Variants in CFAP46 observed in about 807,000 individuals in gnomAD.
The protein encoded by CFAP46 is cilia and flagella associated protein 46.
CFAP46 carries 245 observed loss-of-function variants against 325.7 expected under a neutral mutation model. The ratio of observed to expected loss-of-function variants is 0.75; its 90% CI spans 0.68 to 0.84. The LOEUF (loss-of-function observed/expected upper bound fraction) is 0.84, where lower values mean the gene tolerates loss of function less well. Among genes scored for constraint, CFAP46 ranks in the 40% least tolerant of loss-of-function variants. The pLI is 0.00. For synonymous variants in CFAP46, 1,523 were observed against 1,495.9 expected, an observed-to-expected ratio of 1.02 and a Z score of -0.42; for missense variants, 3,346 against 3,543.0, an observed-to-expected ratio of 0.94 and a Z score of 1.41.
Position 132,811,003 on chromosome 10 carries a change from C to G in CFAP46, c.7530G>C (p.Leu2510=). The G allele has an allele frequency of 6.2e-7, 1 of 1,604,234 alleles. No individual in the cohort carries two copies. Among genetic ancestry groups the G allele is most frequent in the African/African-American group, 1.3e-5 (1 of 74,926 alleles). ...QECQVAVLLD[L]ARSYQSLKRH... The stretch of plus-strand genomic sequence containing the variant: ...TCTTCAAGCTCTGGTAGGACCGCGC[C>G]AGGTCCAGCAGGACTGCCACCTGGC... Residue 2510 remains leucine (L), a synonymous_variant, in exon 56 of 58, where the codon CTG becomes CTC. Coordinates refer to ENST00000368586, the MANE Select transcript of CFAP46 (RefSeq NM_001200049.3).
At chr10:132,854,483 G>A (rs943305467) in intron 39 of CFAP46, among the ~76,000 whole-genome samples, 17 of 151,930 alleles carry the variant, frequency 1.1e-4, no homozygotes, top group East Asian at 7.7e-4. Context: ...GATTACAGGC[G>A]CCCGCCACCA....
chr10:132,879,739 C>T (rs193142391), intron 28 of CFAP46, 108 bp from the exon 29 acceptor site: 20 of 1,134,812 alleles, frequency 1.8e-5, no homozygotes, highest in African/African-American at 9.5e-5. Flanking sequence ...CGGTGCCTCG[C>T]GGACACCCGG....
intron 7 of CFAP46, among the ~76,000 whole-genome samples, chr10:132,935,454 G>A (rs1234613419): frequency 1.4e-5 from 2 of 142,422 alleles, no homozygotes; most frequent in East Asian, 4.2e-4. Flanking sequence ...AACACACTGC[G>A]ATCTCCTCAC....
At chr10:132,903,569 C>G (rs764170169) in intron 22 of CFAP46, among the ~76,000 whole-genome samples, 8 of 152,240 alleles carry the variant, frequency 5.3e-5, no homozygotes, top group Non-Finnish European at 8.8e-5. Context: ...ATATTTCCTT[C>G]TAGCAAGAAT....
In CFAP46 at chr10:132,877,218, C is replaced by T. The variant is rs552746358; in HGVS notation, c.4213-257G>A. Among the ~76,000 whole-genome samples, 3 of 152,194 alleles carry T rather than the reference C, an allele frequency of 2.0e-5. No homozygotes were observed. The highest frequency in any genetic ancestry group is 2.9e-5 in the Non-Finnish European group (2 of 68,020). On this transcript the variant is annotated intron_variant, in intron 30 of 57. Transcript: ENST00000368586. The surrounding 1 kb of genome is among the most constrained non-coding windows in gnomAD (Gnocchi z 5.7). ...GGCTCAGGACTCCCGAGAGCTAAGGCTCTGCAGCCTCTGCCTCCTGCGTCT... is the reference window on the plus strand; with the variant it reads ...GGCTCAGGACTCCCGAGAGCTAAGGTTCTGCAGCCTCTGCCTCCTGCGTCT...
chr10:132,834,221 A>T, intron 48 of CFAP46, 98 bp from the exon 49 acceptor site: 8 of 1,110,318 alleles, frequency 7.2e-6, no homozygotes, highest in Non-Finnish European at 1.1e-5. Flanking sequence ...CTAAGGCAGC[A>T]GCACCACGAA....
At chr10:132,851,010 C>T (rs1398035042) in intron 40 of CFAP46, 107 bp downstream of exon 40, 14 of 1,370,838 alleles carry the variant, frequency 1.0e-5, no homozygotes, top group East Asian at 2.3e-5. Flanking sequence ...TGACCCGCAC[C>T]GCCAGGTGCA....
chr10:132,880,827 T>G (rs1591069068), intron 28 of CFAP46, 34 bp downstream of exon 28: 1 of 1,533,506 alleles, frequency 6.5e-7, no homozygotes, highest in Non-Finnish European at 8.8e-7. Context: ...GGGAGCGGCG[T>G]GGGGTCGGCA....
chr10:132,942,021 T>C lies in CFAP46; in HGVS notation c.133A>G (p.Ser45Gly). 2 of 1,551,760 alleles carry C rather than the reference T, an allele frequency of 1.3e-6. No individual in the cohort carries two copies. The highest frequency in any genetic ancestry group is 8.7e-7 in the Non-Finnish European group (1 of 1,146,930). The change falls in exon 2 of 58, where the codon AGC (serine) becomes GGC (glycine). Residue 45 changes from serine (S) to glycine (G), a missense_variant. Ser to Gly is a moderately conservative substitution (Grantham distance 56). Coordinates refer to ENST00000368586, the MANE Select transcript of CFAP46 (RefSeq NM_001200049.3). ...GCACACAGAACAAACAGGTCTGGGC[T>C]GAAGCTCTCTGAGGGGTCAAACTCC... The part of the protein sequence containing the change: ...KSEFDPSESF[S>G]PDLFVLCAEQ...
chr10:132,866,298 G>A (rs1272254327), intron 34 of CFAP46, 127 bp from the exon 35 acceptor site: 34 of 1,028,424 alleles, frequency 3.3e-5, no homozygotes, highest in Non-Finnish European at 4.3e-5. Flanking sequence ...AGGGCTCCCT[G>A]CTGGCCTAGG....
intron 11 of CFAP46, among the ~76,000 whole-genome samples, chr10:132,923,999 C>A (rs4075000): frequency 6.6e-6 from 1 of 151,856 alleles, no homozygotes; most frequent in Non-Finnish European, 1.5e-5. Context: ...AGACAGGGAG[C>A]GGGGGCTGAG....
chr10:132,941,334 T>C (rs566717733), intron 3 of CFAP46, among the ~76,000 whole-genome samples: 49 of 152,280 alleles, frequency 3.2e-4, no homozygotes, highest in African/African-American at 1.1e-3. Flanking sequence ...CTGTGCCCAC[T>C]CGGGGCAGCT....
At chr10:132,813,167 G>A (rs964869145) in intron 54 of CFAP46, among the ~76,000 whole-genome samples, 1 of 152,080 alleles carries the variant, frequency 6.6e-6, no homozygotes, top group African/African-American at 2.4e-5. Context: ...GCTCGCTGCG[G>A]GAAACGCTAG....
chr10:132,942,089 T>C lies in CFAP46; in HGVS notation c.65A>G (p.Lys22Arg). 1.3e-6 allele frequency: 2 copies of C among 1,551,718 alleles called. No homozygotes were observed. Among genetic ancestry groups the C allele is most frequent in the East Asian group, 2.4e-5 (1 of 40,918 alleles). Reference protein sequence around the residue: ...AESQQDAASLKKAYELIKSAN... With the variant: ...AESQQDAASLRKAYELIKSAN... The stretch of plus-strand genomic sequence containing the variant: ...CGATTTGATCAACTCGTAGGCCTTC[T>C]TCAAGGACGCAGCATCTGTCCCAAA... Residue 22 changes from lysine to arginine, a missense_variant, in exon 2 of 58, where the codon AAG (lysine) becomes AGG (arginine). Physicochemically the swap from Lys to Arg is conservative, Grantham distance 26. Coordinates refer to ENST00000368586, the MANE Select transcript of CFAP46 (RefSeq NM_001200049.3).
intron 55 of CFAP46, 104 bp from the exon 56 acceptor site, chr10:132,811,135 G>C (rs1466591519): frequency 4.2e-6 from 4 of 962,178 alleles, no homozygotes; most frequent in Non-Finnish European, 6.3e-6. Context: ...AGCAGGGCAT[G>C]GCACGCTGGC....
intron 46 of CFAP46, among the ~76,000 whole-genome samples, chr10:132,835,738 C>T (rs536046513): frequency 3.4e-4 from 52 of 152,196 alleles, no homozygotes; most frequent in African/African-American, 1.2e-3. Flanking sequence ...GGAGAGGCCA[C>T]ACCCCTGGGA....
At chr10:132,887,521 TCTC>T (rs199547756) in intron 25 of CFAP46, among the ~76,000 whole-genome samples, 2,071 of 97,200 alleles carry the variant, frequency 0.021, 123 homozygotes, top group Non-Finnish European at 0.034. Flanking sequence ...CTCTCTCTCC[TCTC>T]CTCTCTCCTC....
chr10:132,863,607 G>A (rs547084271), intron 35 of CFAP46, among the ~76,000 whole-genome samples: 17 of 146,876 alleles, frequency 1.2e-4, no homozygotes, highest in Non-Finnish European at 1.6e-4. Flanking sequence ...GCACAAACCT[G>A]TCCCTGCTAT....
intron 35 of CFAP46, among the ~76,000 whole-genome samples, chr10:132,861,797 G>A (rs536336636): frequency 1.3e-5 from 2 of 152,344 alleles, no homozygotes; most frequent in African/African-American, 4.8e-5. Context: ...GAGGCTCTGT[G>A]TGCTCGTTTG....
Sources: gnomAD v4.1 joint callset for allele counts (sites outside exome capture counted in the v4.1 genomes callset) on GRCh38, gnomAD v4.1.1 for gene constraint, Gnocchi (gnomAD v3.1) non-coding constraint, MANE v1.5 for transcripts, NCBI Gene and HGNC (gene_info 2026-07-23, HGNC 2026-07-21) for gene names.